MYO3B: variants seen among roughly 807,000 people sequenced by gnomAD.
MYO3B encodes myosin IIIB.
MYO3B carries 156 observed loss-of-function variants against 174.6 expected under a neutral mutation model. That is an observed-to-expected ratio of 0.89 (90% CI 0.78 to 1.02). The LOEUF (loss-of-function observed/expected upper bound fraction) is 1.02, where lower values mean the gene tolerates loss of function less well. Ranked by LOEUF, MYO3B falls within the 50% of genes least tolerant of loss-of-function variation. The pLI, the probability that MYO3B is intolerant of heterozygous loss-of-function variation, is 0.00. For synonymous variants in MYO3B, 563 were observed against 569.1 expected (o/e 0.99, Z 0.15); for missense variants, 1,632 against 1,639.4 (o/e 1.00, Z 0.08).
intron 29 of MYO3B, among the ~76,000 whole-genome samples, chr2:170,515,846 C>T (rs542650134): frequency 6.6e-6 from 1 of 152,120 alleles, no homozygotes; most frequent in East Asian, 1.9e-4. Context: ...CAAGGAAATA[C>T]TGAACTGGAA....
intron 30 of MYO3B, among the ~76,000 whole-genome samples, chr2:170,532,203 G>T (rs768653941): frequency 2.6e-5 from 4 of 152,170 alleles, no homozygotes; most frequent in Admixed American, 6.5e-5. Context: ...CGAGGAAACA[G>T]CAGACAAGTC....
At chr2:170,226,775 A>C (rs769232807) in intron 6 of MYO3B, among the ~76,000 whole-genome samples, 5 of 152,164 alleles carry the variant, frequency 3.3e-5, no homozygotes, top group Non-Finnish European at 7.3e-5. Context: ...GTGCTGAGTG[A>C]GAAGTGCTAA....
intron 22 of MYO3B, among the ~76,000 whole-genome samples, chr2:170,442,017 G>C (rs1038266152): frequency 1.2e-4 from 18 of 152,194 alleles, no homozygotes; most frequent in African/African-American, 2.7e-4. Flanking sequence ...TGAAGTTGCT[G>C]TGGTTCAAAT....
intron 26 of MYO3B, 49 bp downstream of exon 26, chr2:170,498,752 C>G: frequency 8.0e-7 from 1 of 1,256,602 alleles, no homozygotes; most frequent in South Asian, 1.2e-5. Context: ...TTCTTTGTCT[C>G]TTGTCAGTGA....
At chr2:170,355,714 G>T (rs2094115082) in intron 8 of MYO3B, among the ~76,000 whole-genome samples, 1 of 151,950 alleles carries the variant, frequency 6.6e-6, no homozygotes, top group African/African-American at 2.4e-5. Flanking sequence ...TTCATTCTTT[G>T]CAATGAATAG....
At chr2:170,178,790 C>T (rs1211111467) in intron 1 of MYO3B, among the ~76,000 whole-genome samples, 3 of 152,112 alleles carry the variant, frequency 2.0e-5, no homozygotes, top group African/African-American at 7.2e-5. Flanking sequence ...TTTCCTCATG[C>T]TTTGGTGGGG....
chr2:170,526,842 A>T (rs1689034590), intron 30 of MYO3B, among the ~76,000 whole-genome samples: 2 of 152,186 alleles, frequency 1.3e-5, no homozygotes, highest in South Asian at 4.1e-4. Context: ...ATTTCAACAA[A>T]CCCTAAATCA....
chr2:170,482,554 A>G (rs1172101924), intron 25 of MYO3B, among the ~76,000 whole-genome samples: 12 of 152,324 alleles, frequency 7.9e-5, no homozygotes, highest in African/African-American at 2.6e-4. Flanking sequence ...GTGGAACTGT[A>G]AGTTCAATTA....
At chr2:170,437,094 A>C (rs756532652) in intron 22 of MYO3B, among the ~76,000 whole-genome samples, 17 of 152,142 alleles carry the variant, frequency 1.1e-4, no homozygotes, top group Non-Finnish European at 2.1e-4. Flanking sequence ...ATTATGGACT[A>C]GGAAACTGAG....
At chr2:170,256,296 G>A (rs1347214038) in intron 7 of MYO3B, among the ~76,000 whole-genome samples, 3 of 152,128 alleles carry the variant, frequency 2.0e-5, no homozygotes, top group African/African-American at 4.8e-5. Context: ...ACCCCTGTGA[G>A]ATACTATATA....
chr2:170,204,273 G>C (rs6739145), intron 3 of MYO3B, among the ~76,000 whole-genome samples: 1 of 152,208 alleles, frequency 6.6e-6, no homozygotes, highest in African/African-American at 2.4e-5. Flanking sequence ...AATTTTGACT[G>C]TCTTTGACTT....
chr2:170,295,971 G>T (rs564718721), intron 7 of MYO3B, among the ~76,000 whole-genome samples: 1 of 152,176 alleles, frequency 6.6e-6, no homozygotes, highest in Non-Finnish European at 1.5e-5. Context: ...TTTTTCAGGG[G>T]TCCTAAACCT....
intron 30 of MYO3B, among the ~76,000 whole-genome samples, chr2:170,523,046 A>G (rs536196251): frequency 6.6e-6 from 1 of 152,362 alleles, no homozygotes; most frequent in South Asian, 2.1e-4. Context: ...TGTGAGTAGT[A>G]ACAGTTCACA....
intron 14 of MYO3B, among the ~76,000 whole-genome samples, chr2:170,390,698 T>C (rs1207602517): frequency 1.3e-5 from 2 of 152,272 alleles, no homozygotes; most frequent in Non-Finnish European, 2.9e-5. Flanking sequence ...GAAGAGACTG[T>C]CCTCCTCCAG....
chr2:170,526,957 A>G (rs766692282), intron 30 of MYO3B, among the ~76,000 whole-genome samples: 1 of 152,232 alleles, frequency 6.6e-6, no homozygotes, highest in Non-Finnish European at 1.5e-5. Flanking sequence ...GCCTCTTTTA[A>G]AATAGTTGGA....
chr2:170,645,893 T>C (rs1698329260), intron 32 of MYO3B, among the ~76,000 whole-genome samples: 1 of 152,248 alleles, frequency 6.6e-6, no homozygotes. Context: ...TGTCAGTGAC[T>C]CAAGATATGA....
At chr2:170,245,258 T>C (rs535558113) in intron 7 of MYO3B, among the ~76,000 whole-genome samples, 28 of 152,202 alleles carry the variant, frequency 1.8e-4, no homozygotes, top group African/African-American at 6.5e-4. Context: ...AACTAGCAAA[T>C]AGAACCCTTG....
intron 1 of MYO3B, among the ~76,000 whole-genome samples, chr2:170,197,383 G>A: frequency 6.6e-6 from 1 of 152,164 alleles, no homozygotes; most frequent in East Asian, 1.9e-4. Context: ...ATGTTGCTGA[G>A]ATTTTTCAAT....
chr2:170,324,263 T>C (rs917944034), intron 7 of MYO3B, among the ~76,000 whole-genome samples: 2 of 152,182 alleles, frequency 1.3e-5, no homozygotes, highest in African/African-American at 4.8e-5. Context: ...TTTTTCTACA[T>C]TTTTATTCTT....
Sources: allele counts gnomAD v4.1 joint callset (sites outside exome capture counted in the v4.1 genomes callset), GRCh38; gene constraint gnomAD v4.1.1; transcripts MANE v1.5; gene names NCBI Gene and HGNC (gene_info 2026-07-23, HGNC 2026-07-21).